NRXN3: variants seen among roughly 807,000 people sequenced by gnomAD.
NRXN3 encodes the protein neurexin 3.
In NRXN3, 32 loss-of-function variants were observed where a neutral mutation model predicts 137.6. The ratio of observed to expected loss-of-function variants is 0.23; its 90% CI spans 0.18 to 0.31. NRXN3 has a LOEUF of 0.31. Ranked by LOEUF, NRXN3 falls within the 10% of genes least tolerant of loss-of-function variation. The pLI, the probability that NRXN3 is intolerant of heterozygous loss-of-function variation, is 1.00. For missense variants in NRXN3, 1,574 were observed against 2,062.5 expected, an observed-to-expected ratio of 0.76 and a Z score of 4.59; for synonymous variants, 798 against 784.5, an observed-to-expected ratio of 1.02 and a Z score of -0.29.
chr14:79,563,180 C>A (rs1024881467), intron 16 of NRXN3, among the ~76,000 whole-genome samples: 3 of 152,094 alleles, frequency 2.0e-5, no homozygotes, highest in Admixed American at 6.6e-5. Flanking sequence ...ATGCTAAATT[C>A]TTATCCATAG....
intron 15 of NRXN3, among the ~76,000 whole-genome samples, chr14:79,181,463 G>A (rs1195260373): frequency 6.6e-6 from 1 of 151,878 alleles, no homozygotes; most frequent in African/African-American, 2.4e-5. Flanking sequence ...CAGGCGGATC[G>A]CTTGAAGACA....
chr14:79,400,211 G>A (rs1253476242), intron 15 of NRXN3, among the ~76,000 whole-genome samples: 2 of 152,146 alleles, frequency 1.3e-5, no homozygotes, highest in African/African-American at 4.8e-5. Context: ...CTATTGTCTT[G>A]TTGGAGGTTA....
intron 4 of NRXN3, among the ~76,000 whole-genome samples, chr14:78,389,930 A>T (rs560445534): frequency 6.6e-6 from 1 of 152,312 alleles, no homozygotes; most frequent in Non-Finnish European, 1.5e-5. Flanking sequence ...AATTACTTAT[A>T]TTTGCTTTCC....
In NRXN3 at chr14:78,584,588, C is replaced by T. The variant is rs2097041254; in HGVS notation, c.758-60532C>T. On this transcript the variant is annotated intron_variant, in intron 4 of 20. Transcript: ENST00000335750. ...TCATGTCTCCACCAGGATCAAATGG[C>T]ATGGTCTCTCATTCTTTGTGATGTA... Among the ~76,000 whole-genome samples, 3 of 152,248 alleles carry T rather than the reference C, an allele frequency of 2.0e-5. No individual in the cohort carries two copies. The South Asian group carries it at 6.2e-4, about 32-fold the overall frequency.
chr14:79,634,214 AC>A (rs1736032379), intron 16 of NRXN3, among the ~76,000 whole-genome samples: 2 of 152,188 alleles, frequency 1.3e-5, no homozygotes, highest in Non-Finnish European at 2.9e-5. Context: ...TGGTGGACTT[AC>A]TTCTGCACAC....
At chr14:78,810,374 C>CT in intron 10 of NRXN3, 30 bp downstream of exon 10, 11 of 871,224 alleles carry the variant, frequency 1.3e-5, no homozygotes, top group Admixed American at 4.1e-5. Flanking sequence ...TCATTTTGTT[C>CT]TTTAAAAAAA....
At chr14:78,330,677 G>C (rs898805747) in intron 4 of NRXN3, among the ~76,000 whole-genome samples, 2 of 151,986 alleles carry the variant, frequency 1.3e-5, no homozygotes, top group East Asian at 3.9e-4. Context: ...TGGGTTTTTT[G>C]AATTTGTCCA....
chr14:78,565,963 T>G (rs1001312042), intron 4 of NRXN3, among the ~76,000 whole-genome samples: 1 of 152,242 alleles, frequency 6.6e-6, no homozygotes, highest in South Asian at 2.1e-4. Flanking sequence ...GGTCATTCTT[T>G]GAACACTTCA....
At chr14:78,363,239 C>A (rs979401275) in intron 4 of NRXN3, among the ~76,000 whole-genome samples, 1 of 152,116 alleles carries the variant, frequency 6.6e-6, no homozygotes, top group African/African-American at 2.4e-5. Flanking sequence ...TCTGCATGGC[C>A]CGTCATGAAG....
chr14:79,500,292 A>T (rs17109308), intron 16 of NRXN3, among the ~76,000 whole-genome samples: 1 of 148,048 alleles, frequency 6.8e-6, no homozygotes, highest in African/African-American at 2.5e-5. Flanking sequence ...ATGATCATTT[A>T]CCCAAATAAA....
At chr14:78,597,158 G>A (rs528364712) in intron 4 of NRXN3, among the ~76,000 whole-genome samples, 1 of 152,318 alleles carries the variant, frequency 6.6e-6, no homozygotes, top group East Asian at 1.9e-4. Context: ...ACTGTGTCGG[G>A]GATGAGGTGG....
intron 20 of NRXN3, among the ~76,000 whole-genome samples, chr14:79,819,534 G>C (rs1253984164): frequency 1.8e-5 from 2 of 109,604 alleles, no homozygotes; most frequent in Non-Finnish European, 3.4e-5. Flanking sequence ...ACCCAAGCTG[G>C]AGGGCAGTGG....
At chr14:78,297,566 A>G (rs919931083) in intron 3 of NRXN3, among the ~76,000 whole-genome samples, 2 of 152,188 alleles carry the variant, frequency 1.3e-5, no homozygotes, top group Non-Finnish European at 2.9e-5. Flanking sequence ...TTAGGCCCAG[A>G]GCAGTTCTGC....
At chr14:79,482,457 G>A (rs1400843183) in intron 16 of NRXN3, among the ~76,000 whole-genome samples, 2 of 152,064 alleles carry the variant, frequency 1.3e-5, no homozygotes, top group African/African-American at 2.4e-5. Context: ...TCGCTATCTG[G>A]TTCTATTTCT....
At chr14:78,350,630 T>C (rs2083356656) in intron 4 of NRXN3, among the ~76,000 whole-genome samples, 1 of 152,100 alleles carries the variant, frequency 6.6e-6, no homozygotes, top group Non-Finnish European at 1.5e-5. Context: ...GACAGTTAGA[T>C]TTGCATTTTT....
intron 19 of NRXN3, among the ~76,000 whole-genome samples, chr14:79,776,647 A>G (rs2099098078): frequency 6.6e-6 from 1 of 152,210 alleles, no homozygotes; most frequent in Non-Finnish European, 1.5e-5. Context: ...ATGCAGTGTC[A>G]AGGACCCTCT....
intron 4 of NRXN3, among the ~76,000 whole-genome samples, chr14:78,319,596 C>G (rs1191713270): frequency 6.6e-6 from 1 of 152,198 alleles, no homozygotes; most frequent in Admixed American, 6.5e-5. Context: ...TTTATCAGGG[C>G]TTGCCTTACA....
chr14:78,347,561 G>A (rs1202972780), intron 4 of NRXN3, among the ~76,000 whole-genome samples: 1 of 152,110 alleles, frequency 6.6e-6, no homozygotes, highest in Non-Finnish European at 1.5e-5. Flanking sequence ...ATAGCAAAAG[G>A]TAAGGTGGAA....
In NRXN3 at chr14:79,460,482, G is replaced by A. The variant is rs557135195; in HGVS notation, c.3263-6739G>A. 2.6e-5 allele frequency among the ~76,000 whole-genome samples: 4 copies of A among 152,132 alleles called. No homozygotes were observed. In the South Asian group the frequency reaches 8.3e-4, roughly 32 times the overall value. Reference sequence around the variant, plus strand: ...GCTCCTTTGGAGACTTTGGCATCGGGCAGAAAAAGGGTCTCACTCTGCACA... The same window carrying A: ...GCTCCTTTGGAGACTTTGGCATCGGACAGAAAAAGGGTCTCACTCTGCACA... On this transcript the variant is annotated intron_variant, in intron 15 of 20. Coordinates refer to ENST00000335750, the MANE Select transcript of NRXN3 (RefSeq NM_001330195.2).
Sources: allele counts gnomAD v4.1 joint callset (sites outside exome capture counted in the v4.1 genomes callset), GRCh38; gene constraint gnomAD v4.1.1; transcripts MANE v1.5; gene names NCBI Gene and HGNC (gene_info 2026-07-23, HGNC 2026-07-21).